Variants in SP3 observed in about 807,000 individuals in gnomAD.
SP3 encodes the protein Sp3 transcription factor, also known as transcription factor Sp3.
A neutral mutation model predicts 70.3 loss-of-function variants in SP3; 10 were observed. The observed-to-expected ratio is 0.14, with a 90% CI of 0.09 to 0.24. The LOEUF (loss-of-function observed/expected upper bound fraction) is 0.24. SP3 is among the 10% of genes least tolerant of loss of function. SP3 has a pLI of 1.00. For synonymous variants in SP3, 402 were observed against 333.5 expected, an observed-to-expected ratio of 1.21 and a Z score of -2.24; for missense variants, 825 against 914.6, an observed-to-expected ratio of 0.90 and a Z score of 1.26.
intron 5 of SP3, chr2:173,916,981 T>C (rs900401725): frequency 1.3e-5 from 2 of 151,824 alleles, no homozygotes; most frequent in African/African-American, 4.8e-5. Context: ...TATAAAACAG[T>C]GAGAATAAGA....
At chr2:173,940,634 A>G (rs1262949944) in intron 4 of SP3, among the ~76,000 whole-genome samples, 1 of 152,228 alleles carries the variant, frequency 6.6e-6, no homozygotes, top group Non-Finnish European at 1.5e-5. Flanking sequence ...TGAAGTTTGC[A>G]TGTGTGCCCA....
intron 4 of SP3, among the ~76,000 whole-genome samples, chr2:173,926,009 A>G (rs1689899761): frequency 6.6e-6 from 1 of 152,216 alleles, no homozygotes; most frequent in Non-Finnish European, 1.5e-5. Context: ...TGCTCATCTT[A>G]AAGGTAGACT....
At chr2:173,931,469 G>C (rs183389141) in intron 4 of SP3, among the ~76,000 whole-genome samples, 2 of 152,084 alleles carry the variant, frequency 1.3e-5, no homozygotes, top group Admixed American at 6.5e-5. Context: ...TCAGCCTCCC[G>C]AGTAGCTAGG....
chr2:173,953,619 C>T (rs556375626), intron 4 of SP3, among the ~76,000 whole-genome samples: 22 of 152,118 alleles, frequency 1.4e-4, no homozygotes, highest in Non-Finnish European at 2.6e-4. Context: ...TGGTGGTGTG[C>T]ACCTGTAATC....
rs1345616554 is a variant in SP3, at chr2:173,964,211, C to CGGGCG, written c.156+189_156+193dup. On this transcript the variant is annotated intron_variant, in intron 2 of 6. Transcript: ENST00000310015. ...CACACGCGCACAAAAAGGCGGCAGG[C>CGGGCG]GGGCGAGGCGGGGCGGCGCGGGCGG... 3.3e-5 allele frequency: 15 copies of CGGGCG among 461,348 alleles called. No homozygotes were observed. The Admixed American group carries it at 5.0e-4, about 15-fold the overall frequency. 28.6% of individuals were successfully genotyped at this position (461,348 alleles called of 1,614,324 possible).
chr2:173,909,866 T>A lies in SP3; in HGVS notation c.*75A>T, dbSNP rs1367592316. On this transcript the variant is annotated 3_prime_UTR_variant, in exon 7 of 7. Transcript: ENST00000310015. ...ATTTTTGCACATCAATAAAAAGATATCTAAGAACTTAGGAACAATATTCTT... is the reference window on the plus strand; with the variant it reads ...ATTTTTGCACATCAATAAAAAGATAACTAAGAACTTAGGAACAATATTCTT... 40 of 1,449,648 alleles carry A rather than the reference T, an allele frequency of 2.8e-5. No individual in the cohort carries two copies. Among genetic ancestry groups the A allele is most frequent in the Non-Finnish European group, 3.7e-5 (39 of 1,066,364 alleles). The allele number at this position is 1,449,648 out of a possible 1,614,324, so 89.8% of individuals were successfully genotyped here. A position where few individuals can be genotyped will look rare whatever the true frequency, so the allele number is the denominator to read the frequency against.
At chr2:173,954,046 C>G (rs537983965) in intron 4 of SP3, among the ~76,000 whole-genome samples, 13 of 152,260 alleles carry the variant, frequency 8.5e-5, no homozygotes, top group East Asian at 5.8e-4. Context: ...AATCACTGAC[C>G]TGGTGAAAGA....
At chr2:173,913,864 A>T (rs1019283995) in intron 5 of SP3, 2 of 152,168 alleles carry the variant, frequency 1.3e-5, no homozygotes, top group African/African-American at 4.8e-5. Context: ...CTCCCTTAGC[A>T]TTAGATGAGA....
chr2:173,955,817 C>G lies in SP3; in HGVS notation c.695G>C (p.Gly232Ala). 6.2e-7 allele frequency: 1 copy of G among 1,614,182 alleles called. No homozygotes were observed. Among genetic ancestry groups the G allele is most frequent in the Non-Finnish European group, 8.5e-7 (1 of 1,180,040 alleles). Residue 232 changes from glycine to alanine, a missense_variant, in exon 4 of 7, where the codon GGT becomes GCT. This residue lies in a region of SP3 where 678 missense variants were observed against 651.6 expected (regional missense o/e 1.04). Transcript: ENST00000310015. ...ANIQNLIPQT[G>A]QVQVQGVAIG... ...TGCAACTCCCTGAACCTGGACTTGACCAGTCTGTGGTATGAGATTCTGGAT... is the reference window on the plus strand; with the variant it reads ...TGCAACTCCCTGAACCTGGACTTGAGCAGTCTGTGGTATGAGATTCTGGAT...
chr2:173,951,598 G>C (rs760610240), intron 4 of SP3, among the ~76,000 whole-genome samples: 2 of 152,058 alleles, frequency 1.3e-5, no homozygotes, highest in Non-Finnish European at 2.9e-5. Flanking sequence ...ATATGGTTCG[G>C]GCTGAACCAT....
intron 3 of SP3, among the ~76,000 whole-genome samples, chr2:173,959,484 G>A (rs1690993453): frequency 6.6e-6 from 1 of 152,214 alleles, no homozygotes; most frequent in African/African-American, 2.4e-5. Flanking sequence ...CTAGCACTGT[G>A]GGAGGCTGAG....
Position 173,954,937 on chromosome 2 carries a change from T to G in SP3, c.1575A>C (p.Thr525=), listed in dbSNP as rs752643059. ...TGQLPNLQTV[T]VNSIDSAGIQ... is the part of the protein sequence containing the mutation. ...TACCAGCAGAATCTATAGAGTTCACTGTAACTGTTTGTAGATTTGGCAACT... is the reference window on the plus strand; with the variant it reads ...TACCAGCAGAATCTATAGAGTTCACGGTAACTGTTTGTAGATTTGGCAACT... Residue 525 remains threonine, a synonymous_variant, in exon 4 of 7, where the codon ACA becomes ACC. Coordinates refer to ENST00000310015, the MANE Select transcript of SP3 (RefSeq NM_003111.5). The G allele has an allele frequency of 8.7e-6, 14 of 1,614,200 alleles. No individual in the cohort carries two copies. The highest frequency in any genetic ancestry group is 1.2e-5 in the Non-Finnish European group (14 of 1,180,008).
rs1173769992 is a variant in SP3 at position 173,901,157 on chromosome 2, A to C, written c.*8784T>G. The stretch of plus-strand genomic sequence containing the variant: ...ATCCATATGGAAAATAATGGACTTT[A>C]TGCCATAAACAAAAGTAATTTCAAA... On this transcript the variant is annotated 3_prime_UTR_variant, in exon 7 of 7. Transcript: ENST00000310015. 6.6e-6 allele frequency among the ~76,000 whole-genome samples: 1 copy of C among 151,324 alleles called. No homozygotes were observed. Among genetic ancestry groups the C allele is most frequent in the Admixed American group, 6.6e-5 (1 of 15,148 alleles).
At position 173,958,714 on chromosome 2, in the gene SP3, A is replaced by C. The variant is rs116496128; in HGVS notation, c.280-2482T>G. Among the ~76,000 whole-genome samples the C allele has an allele frequency of 7.4e-3, 1,130 of 152,108 alleles. 15 individuals carry two copies. The highest frequency in any genetic ancestry group is 0.026 in the African/African-American group (1,059 of 41,524). Reference sequence around the variant, plus strand: ...ATTTTCTAAATGGAATGGAAAAAACACATTGAATCAGAAAACTACTAGATG... The same window carrying C: ...ATTTTCTAAATGGAATGGAAAAAACCCATTGAATCAGAAAACTACTAGATG... On this transcript the variant is annotated intron_variant, in intron 3 of 6. Coordinates refer to ENST00000310015, the MANE Select transcript of SP3 (RefSeq NM_003111.5).
At chr2:173,946,241 C>T (rs750509349) in intron 4 of SP3, among the ~76,000 whole-genome samples, 1 of 151,832 alleles carries the variant, frequency 6.6e-6, no homozygotes, top group Non-Finnish European at 1.5e-5. Context: ...GAAAGGGGTA[C>T]ATGGAAGGTT....
rs367618503 is a variant in SP3 at position 173,956,173 on chromosome 2, T to C, written c.339A>G (p.Ser113=). 20 of 1,613,940 alleles carry C rather than the reference T, an allele frequency of 1.2e-5. No individual in the cohort carries two copies. In the African/African-American group the frequency reaches 2.5e-4, roughly 20 times the overall value. ...CATCTTTTATAGTTGTAGGTGTGGC[T>C]GACAAAACCTCCCATCGGTTTGGTG... is the stretch of plus-strand genomic sequence containing the variant. ...GGAPNRWEVL[S]ATPTTIKDEA... is the part of the protein sequence containing the mutation. Residue 113 remains serine (S), a synonymous_variant, in exon 4 of 7, where the codon TCA becomes TCG. Transcript: ENST00000310015.
At chr2:173,959,847 C>T (rs566940734) in intron 3 of SP3, among the ~76,000 whole-genome samples, 16 of 152,310 alleles carry the variant, frequency 1.1e-4, no homozygotes, top group Admixed American at 4.6e-4. Flanking sequence ...TCTACATAAC[C>T]TATGTCTACG....
At chr2:173,953,221 G>A (rs574061566) in intron 4 of SP3, among the ~76,000 whole-genome samples, 5 of 152,378 alleles carry the variant, frequency 3.3e-5, no homozygotes, top group Admixed American at 2.0e-4. Flanking sequence ...ACAGTTTGCT[G>A]TCACTGCCTT....
At chr2:173,936,801 C>T in intron 4 of SP3, among the ~76,000 whole-genome samples, 1 of 147,232 alleles carries the variant, frequency 6.8e-6, no homozygotes, top group Non-Finnish European at 1.5e-5. Context: ...CTATTCTTAC[C>T]TTTTTTTTTT....
Sources: allele counts gnomAD v4.1 joint callset (sites outside exome capture counted in the v4.1 genomes callset), GRCh38; gene constraint gnomAD v4.1.1; regional missense constraint gnomAD v4.1.1; transcripts MANE v1.5; gene names NCBI Gene and HGNC (gene_info 2026-07-23, HGNC 2026-07-21).